The following AUTS2 variants were observed in gnomAD, a reference collection of about 807,000 sequenced individuals.
AUTS2 encodes activator of transcription and developmental regulator AUTS2, also known as autism susceptibility gene 2 protein.
AUTS2 carries 17 observed loss-of-function variants against 112.4 expected under a neutral mutation model. That is an observed-to-expected ratio of 0.15 (90% confidence interval 0.10 to 0.23). The LOEUF is 0.23. Among genes scored for constraint, AUTS2 ranks in the 10% least tolerant of loss-of-function variants. The probability of loss-of-function intolerance (pLI) is 1.00; values close to 1 mark genes in which losing one functional copy is unlikely to be tolerated. For missense variants in AUTS2, 1,510 were observed against 1,701.6 expected, an observed-to-expected ratio of 0.89 and a Z score of 1.98; for synonymous variants, 751 against 702.7, an observed-to-expected ratio of 1.07 and a Z score of -1.09.
At chr7:70,003,628 C>G (rs182887123) in intron 2 of AUTS2, among the ~76,000 whole-genome samples, 19 of 69,896 alleles carry the variant, frequency 2.7e-4, no homozygotes, top group African/African-American at 1.3e-3. Context: ...ATATGAGTAT[C>G]TATAATATAT....
intron 2 of AUTS2, among the ~76,000 whole-genome samples, chr7:70,065,000 A>AAATG (rs1212031577): frequency 6.6e-6 from 1 of 152,204 alleles, no homozygotes; most frequent in Non-Finnish European, 1.5e-5. Context: ...ATTGTTGAAT[A>AAATG]AATGAATGAA....
At chr7:70,380,589 G>A (rs2129632460) in intron 4 of AUTS2, among the ~76,000 whole-genome samples, 1 of 152,352 alleles carries the variant, frequency 6.6e-6, no homozygotes, top group South Asian at 2.1e-4. Context: ...GGAAAACAGA[G>A]CCAAACTGAC....
intron 5 of AUTS2, among the ~76,000 whole-genome samples, chr7:70,485,128 C>T (rs974908522): frequency 9.2e-5 from 14 of 152,162 alleles, no homozygotes; most frequent in African/African-American, 3.4e-4. Context: ...AATCCCACTG[C>T]TTGGTATCTA....
intron 1 of AUTS2, among the ~76,000 whole-genome samples, chr7:69,669,395 T>G (rs1796212767): frequency 6.6e-6 from 1 of 152,056 alleles, no homozygotes. Context: ...CAAACCTGAC[T>G]TTTTGATTTA....
At chr7:69,902,610 G>A (rs1795010343) in intron 2 of AUTS2, among the ~76,000 whole-genome samples, 1 of 152,156 alleles carries the variant, frequency 6.6e-6, no homozygotes, top group African/African-American at 2.4e-5. Context: ...ATGGGAAGAT[G>A]TTACTCCTTA....
intron 4 of AUTS2, among the ~76,000 whole-genome samples, chr7:70,225,906 T>TC (rs1811740686): frequency 2.0e-5 from 3 of 152,248 alleles, no homozygotes; most frequent in Admixed American, 2.0e-4. Context: ...GATTAAAGTG[T>TC]CCATCAAAAT....
At chr7:69,654,423 T>C (rs1035136449) in intron 1 of AUTS2, among the ~76,000 whole-genome samples, 4 of 152,210 alleles carry the variant, frequency 2.6e-5, no homozygotes, top group African/African-American at 7.2e-5. Flanking sequence ...TAAACCTTAT[T>C]GAGTACTTAA....
intron 5 of AUTS2, among the ~76,000 whole-genome samples, chr7:70,695,800 C>G (rs1465633860): frequency 6.6e-6 from 1 of 152,194 alleles, no homozygotes; most frequent in Admixed American, 6.5e-5. Context: ...AACATATTCC[C>G]CCTTCCCTTA....
At position 70,642,417 on chromosome 7, in the gene AUTS2, C is replaced by T. The variant is rs566359824; in HGVS notation, c.691-56152C>T. On this transcript the variant is annotated intron_variant, in intron 5 of 18. Transcript: ENST00000342771. ...TCCTTCGTGCACAGATATCATTTCA[C>T]GTGTTCTTTTATTAGCTTCATAGTT... 3.2e-4 allele frequency among the ~76,000 whole-genome samples: 49 copies of T among 152,174 alleles called. 2 individuals are homozygous for T. The South Asian group carries it at 4.4e-3, about 14-fold the overall frequency.
At chr7:70,442,338 A>G (rs1324937708) in intron 5 of AUTS2, among the ~76,000 whole-genome samples, 1 of 152,116 alleles carries the variant, frequency 6.6e-6, no homozygotes, top group African/African-American at 2.4e-5. Context: ...CGCAATGTCT[A>G]CTTCCTGGAC....
chr7:70,128,183 A>G (rs138291051), intron 3 of AUTS2, among the ~76,000 whole-genome samples: 1 of 152,212 alleles, frequency 6.6e-6, no homozygotes, highest in Non-Finnish European at 1.5e-5. Context: ...GCCTTTTTCC[A>G]TTCCTGTCCC....
intron 5 of AUTS2, among the ~76,000 whole-genome samples, chr7:70,469,983 C>T (rs1410919975): frequency 6.9e-6 from 1 of 145,820 alleles, no homozygotes; most frequent in African/African-American, 2.5e-5. Flanking sequence ...AAGCTTAGCA[C>T]AGTGTGATGG....
chr7:70,638,090 C>G (rs920210884), intron 5 of AUTS2, among the ~76,000 whole-genome samples: 1 of 152,102 alleles, frequency 6.6e-6, no homozygotes, highest in African/African-American at 2.4e-5. Context: ...CAGTGCTTCC[C>G]TGGATGAAGG....
chr7:70,646,175 T>A (rs1806149293), intron 5 of AUTS2, among the ~76,000 whole-genome samples: 1 of 152,176 alleles, frequency 6.6e-6, no homozygotes, highest in African/African-American at 2.4e-5. Context: ...ACAGTTGAGC[T>A]TCAATTCAGA....
intron 4 of AUTS2, among the ~76,000 whole-genome samples, chr7:70,282,000 A>G (rs1788239221): frequency 6.6e-6 from 1 of 152,232 alleles, no homozygotes; most frequent in Non-Finnish European, 1.5e-5. Flanking sequence ...GATTTCAGAT[A>G]TGTAGACAGA....
At chr7:69,835,269 A>C (rs140572857) in intron 1 of AUTS2, among the ~76,000 whole-genome samples, 2 of 152,080 alleles carry the variant, frequency 1.3e-5, no homozygotes, top group African/African-American at 4.8e-5. Flanking sequence ...AGGAAAGGAG[A>C]ATTAAAATAA....
chr7:69,936,120 T>G (rs1342501931), intron 2 of AUTS2, among the ~76,000 whole-genome samples: 2 of 152,114 alleles, frequency 1.3e-5, no homozygotes, highest in African/African-American at 4.8e-5. Context: ...GTGGAAAGAG[T>G]GTCACCTGTA....
intron 1 of AUTS2, among the ~76,000 whole-genome samples, chr7:69,876,068 T>TA (rs1348904493): frequency 1.3e-5 from 2 of 151,582 alleles, no homozygotes; most frequent in Non-Finnish European, 2.9e-5. Flanking sequence ...ATTTTAACTT[T>TA]AAAAAATATG....
rs1229011141 is a variant in AUTS2, at chr7:70,302,259, T to G, written c.661-133493T>G. Among the ~76,000 whole-genome samples the G allele has an allele frequency of 2.0e-5, 3 of 151,840 alleles. No individual in the cohort carries two copies. The East Asian group carries it at 5.8e-4, about 29-fold the overall frequency. ...GACCTTGTCTCTAGTAAAAATTCAG[T>G]TTAAAAAAGTGGGCATGGTGGTGCA... On this transcript the variant is annotated intron_variant, in intron 4 of 18. Transcript: ENST00000342771.
Sources: gnomAD v4.1 joint callset for allele counts (sites outside exome capture counted in the v4.1 genomes callset) on GRCh38, gnomAD v4.1.1 for gene constraint, MANE v1.5 for transcripts, NCBI Gene and HGNC (gene_info 2026-07-23, HGNC 2026-07-21) for gene names.